The following RANBP17 variants were observed in gnomAD, a reference collection of about 807,000 sequenced individuals.
The protein encoded by RANBP17 is RAN binding protein 17.
A neutral mutation model predicts 141.2 loss-of-function variants in RANBP17; 158 were observed. The observed-to-expected ratio is 1.12, with a 90% CI of 0.98 to 1.28. RANBP17 has a LOEUF of 1.28. Ranked by LOEUF, RANBP17 falls within the 50% of genes most tolerant of loss-of-function variation. The pLI is 0.00. For missense variants in RANBP17, 1,438 were observed against 1,290.7 expected (o/e 1.11, Z -1.75); for synonymous variants, 430 against 450.0 (o/e 0.96, Z 0.56).
chr5:171,259,317 C>A (rs1189064694), intron 24 of RANBP17, among the ~76,000 whole-genome samples: 2 of 152,092 alleles, frequency 1.3e-5, no homozygotes, highest in African/African-American at 2.4e-5. Context: ...GGAGATTTCT[C>A]AAAAAACTAA....
intron 4 of RANBP17, among the ~76,000 whole-genome samples, chr5:170,892,805 CAT>C (rs1023935700): frequency 6.6e-5 from 10 of 152,208 alleles, no homozygotes; most frequent in East Asian, 1.9e-4. Context: ...ATTTATGACA[CAT>C]ATGTCTATGT....
At chr5:171,289,707 G>A (rs1768372474) in intron 25 of RANBP17, among the ~76,000 whole-genome samples, 2 of 152,136 alleles carry the variant, frequency 1.3e-5, no homozygotes, top group Admixed American at 1.3e-4. Context: ...CTGCACTCCA[G>A]CATGAGCATC....
intron 25 of RANBP17, among the ~76,000 whole-genome samples, chr5:171,277,645 A>ATATATATATATATG (rs1561823435): frequency 8.3e-6 from 1 of 120,624 alleles, no homozygotes; most frequent in African/African-American, 3.2e-5. Context: ...ATGTATATAT[A>ATATATATATATATG]TATATATATA....
At chr5:171,096,341 T>C (rs562769164) in intron 14 of RANBP17, among the ~76,000 whole-genome samples, 46 of 152,326 alleles carry the variant, frequency 3.0e-4, no homozygotes, top group African/African-American at 1.0e-3. Flanking sequence ...TATTAACTTA[T>C]TGTTGTCTGT....
chr5:171,104,257 G>T (rs1188912882), intron 14 of RANBP17, among the ~76,000 whole-genome samples: 4 of 151,992 alleles, frequency 2.6e-5, no homozygotes, highest in Admixed American at 2.0e-4. Context: ...GGCTGGTCTC[G>T]AACACCCAAC....
At position 171,195,769 on chromosome 5, in the gene RANBP17, T is replaced by TG. The variant is rs532145516; in HGVS notation, c.2039-3900dup. On this transcript the variant is annotated intron_variant, in intron 18 of 27. Coordinates refer to ENST00000523189, the MANE Select transcript of RANBP17 (RefSeq NM_022897.5). ...TCGCTGACATTTACCAGCTGGAGGATGTTGGGCAGGCTATCTAATTCCTTT... is the reference window on the plus strand; with the variant it reads ...TCGCTGACATTTACCAGCTGGAGGATGGTTGGGCAGGCTATCTAATTCCTTT... Among the ~76,000 whole-genome samples the TG allele has an allele frequency of 5.9e-3, 891 of 152,304 alleles. 3 individuals carry two copies. Among genetic ancestry groups the TG allele is most frequent in the Non-Finnish European group, 9.2e-3 (624 of 68,028 alleles).
At chr5:170,937,993 C>G (rs958973605) in intron 12 of RANBP17, among the ~76,000 whole-genome samples, 1 of 152,214 alleles carries the variant, frequency 6.6e-6, no homozygotes, top group Middle Eastern at 3.4e-3. Flanking sequence ...CGTGAAATTT[C>G]TTAGGTTTTT....
intron 12 of RANBP17, among the ~76,000 whole-genome samples, chr5:170,936,691 T>G (rs965186237): frequency 1.3e-5 from 2 of 152,196 alleles, no homozygotes; most frequent in African/African-American, 4.8e-5. Context: ...GAAAAGAATA[T>G]GTATTTTGCT....
rs1387844496 is a variant in RANBP17, at chr5:171,284,124, A to G, written c.2944-9759A>G. On this transcript the variant is annotated intron_variant, in intron 25 of 27. Coordinates refer to ENST00000523189, the MANE Select transcript of RANBP17 (RefSeq NM_022897.5). ...GTTAGAGTTTACTTTCTCACTGAAT[A>G]TTTACTATAAACGTGTGCTTGTAGC... Among the ~76,000 whole-genome samples the G allele has an allele frequency of 2.6e-5, 4 of 152,142 alleles. No homozygotes were observed. The South Asian group carries it at 8.3e-4, about 32-fold the overall frequency.
chr5:170,897,106 G>A (rs1770196533), intron 5 of RANBP17: 1 of 835,240 alleles, frequency 1.2e-6, no homozygotes, highest in Non-Finnish European at 2.0e-6. Context: ...TGGTAGAAGG[G>A]ATAGTGAATG....
chr5:171,022,572 C>T (rs1780943570), intron 14 of RANBP17, among the ~76,000 whole-genome samples: 1 of 152,228 alleles, frequency 6.6e-6, no homozygotes, highest in Non-Finnish European at 1.5e-5. Flanking sequence ...ACTCTGACCA[C>T]AGTCTGCCAC....
chr5:171,259,924 CA>C (rs915746761), intron 24 of RANBP17, among the ~76,000 whole-genome samples: 2 of 150,904 alleles, frequency 1.3e-5, no homozygotes, highest in Non-Finnish European at 3.0e-5. Context: ...GAGGTTGCGA[CA>C]AACCGAGATT....
rs543299543 is a variant in RANBP17, at chr5:170,993,014, CT to C, written c.1710+24643del. Among the ~76,000 whole-genome samples, 482 of 152,132 alleles carry C rather than the reference CT, an allele frequency of 3.2e-3. 4 individuals carry two copies. The highest frequency in any genetic ancestry group is 0.011 in the African/African-American group (457 of 41,550). On this transcript the variant is annotated intron_variant, in intron 14 of 27. Transcript: ENST00000523189. The stretch of plus-strand genomic sequence containing the variant: ...TGAAGGCAGATGCTCTGCCTTGTTT[CT>C]TTTTTATCATCACAAGGAACTAGGT...
intron 18 of RANBP17, among the ~76,000 whole-genome samples, chr5:171,196,905 C>G (rs1762011474): frequency 6.6e-6 from 1 of 152,192 alleles, no homozygotes; most frequent in Admixed American, 6.5e-5. Flanking sequence ...TCCTCCTACC[C>G]CAGCTTCCAA....
intron 14 of RANBP17, among the ~76,000 whole-genome samples, chr5:171,135,351 A>G (rs1488126818): frequency 1.3e-5 from 2 of 152,144 alleles, no homozygotes. Flanking sequence ...CTTTTTTAAA[A>G]AGCAAAAATT....
At chr5:171,182,850 C>A (rs761351167) in intron 16 of RANBP17, among the ~76,000 whole-genome samples, 1 of 152,128 alleles carries the variant, frequency 6.6e-6, no homozygotes, top group Non-Finnish European at 1.5e-5. Flanking sequence ...TCGTAAGTTA[C>A]ACCCAAAATA....
intron 5 of RANBP17, among the ~76,000 whole-genome samples, chr5:170,902,407 A>G (rs527834307): frequency 6.6e-6 from 1 of 152,218 alleles, no homozygotes; most frequent in Admixed American, 6.5e-5. Context: ...TGGTTATTCT[A>G]GTTAGCAATT....
intron 5 of RANBP17, chr5:170,896,841 A>G (rs1770166900): frequency 4.3e-6 from 2 of 468,650 alleles, no homozygotes; most frequent in South Asian, 2.0e-5. Context: ...AACAACAATA[A>G]CAAGAAACAA....
At chr5:171,034,256 A>G (rs1026618517) in intron 14 of RANBP17, among the ~76,000 whole-genome samples, 5 of 152,214 alleles carry the variant, frequency 3.3e-5, no homozygotes, top group Non-Finnish European at 2.9e-5. Flanking sequence ...AAAAGGCAAC[A>G]TATTCTTCCA....
Sources: allele counts gnomAD v4.1 joint callset (sites outside exome capture counted in the v4.1 genomes callset), GRCh38; gene constraint gnomAD v4.1.1; transcripts MANE v1.5; gene names NCBI Gene and HGNC (gene_info 2026-07-23, HGNC 2026-07-21).